PDSS2: variants seen among roughly 807,000 people sequenced by gnomAD.
PDSS2 encodes the protein decaprenyl diphosphate synthase subunit 2, also known as all trans-polyprenyl-diphosphate synthase PDSS2.
In PDSS2, 31 loss-of-function variants were observed where a neutral mutation model predicts 44.5. That is an observed-to-expected ratio of 0.70 (90% CI 0.52 to 0.94). The LOEUF (loss-of-function observed/expected upper bound fraction) is 0.94. Among genes scored for constraint, PDSS2 ranks in the 40% least tolerant of loss-of-function variants. The probability of loss-of-function intolerance (pLI) is 0.00; values close to 1 mark genes in which losing one functional copy is unlikely to be tolerated. For missense variants in PDSS2, 452 were observed against 482.2 expected (o/e 0.94, Z 0.59); for synonymous variants, 157 against 180.3 (o/e 0.87, Z 1.03).
chr6:107,237,235 T>TTTTATTTATTTA (rs141596909), intron 4 of PDSS2, among the ~76,000 whole-genome samples: 1 of 151,724 alleles, frequency 6.6e-6, no homozygotes, highest in African/African-American at 2.4e-5. Flanking sequence ...TCCTGGCCTC[T>TTTTATTTATTTA]TTTATTTATT....
At chr6:107,164,666 C>T (rs1213281856) in intron 7 of PDSS2, among the ~76,000 whole-genome samples, 1 of 152,150 alleles carries the variant, frequency 6.6e-6, no homozygotes, top group Non-Finnish European at 1.5e-5. Context: ...ATTTGTAATC[C>T]TTTGGGTATA....
chr6:107,163,486 C>T (rs1473245314), intron 7 of PDSS2, among the ~76,000 whole-genome samples: 1 of 152,144 alleles, frequency 6.6e-6, no homozygotes, highest in Non-Finnish European at 1.5e-5. Context: ...GCTAGCTAAA[C>T]ATAAACTACT....
At chr6:107,353,127 C>T (rs1392782552) in intron 1 of PDSS2, among the ~76,000 whole-genome samples, 12 of 151,878 alleles carry the variant, frequency 7.9e-5, no homozygotes, top group Admixed American at 7.9e-4. Flanking sequence ...TGTCATCTGC[C>T]CCACTGTAAA....
At chr6:107,162,517 G>A (rs1282921013) in intron 7 of PDSS2, among the ~76,000 whole-genome samples, 1 of 120,330 alleles carries the variant, frequency 8.3e-6, no homozygotes. Context: ...AAAAAAAAAA[G>A]GAGAGAGCAT....
At chr6:107,316,037 T>A (rs1024450526) in intron 2 of PDSS2, among the ~76,000 whole-genome samples, 4 of 152,194 alleles carry the variant, frequency 2.6e-5, no homozygotes, top group African/African-American at 9.6e-5. Context: ...ACAGTTTGGA[T>A]CATGTTAAAA....
chr6:107,293,968 C>T (rs1582903630), intron 2 of PDSS2, among the ~76,000 whole-genome samples: 1 of 152,076 alleles, frequency 6.6e-6, no homozygotes, highest in Non-Finnish European at 1.5e-5. Flanking sequence ...AATTGCTTCA[C>T]AAGAGGCTGA....
chr6:107,401,844 A>T (rs1056677908), intron 1 of PDSS2, among the ~76,000 whole-genome samples: 1 of 147,864 alleles, frequency 6.8e-6, no homozygotes, highest in Admixed American at 6.7e-5. Context: ...GACAACAATT[A>T]AAAAAAAAAG....
intron 1 of PDSS2, among the ~76,000 whole-genome samples, chr6:107,457,202 T>C (rs1782073117): frequency 6.6e-6 from 1 of 152,150 alleles, no homozygotes; most frequent in Admixed American, 6.5e-5. Flanking sequence ...GAAGTGAGTG[T>C]GGCTAAAAAA....
chr6:107,351,689 A>C (rs1778438746), intron 1 of PDSS2, among the ~76,000 whole-genome samples: 1 of 152,192 alleles, frequency 6.6e-6, no homozygotes, highest in Non-Finnish European at 1.5e-5. Flanking sequence ...TACTGCCTAC[A>C]TAAAAAATAG....
rs375703333 is a variant in PDSS2, at chr6:107,191,303, G to A, written c.1041+2519C>T. ...ACAAAAGAGAGGCAGTGGAGACTGAGCAGTAGGTTTTTCAGTGTTCAGATG... is the reference window on the plus strand; with the variant it reads ...ACAAAAGAGAGGCAGTGGAGACTGAACAGTAGGTTTTTCAGTGTTCAGATG... On this transcript the variant is annotated intron_variant, in intron 7 of 7. Transcript: ENST00000369037. 7.9e-5 allele frequency among the ~76,000 whole-genome samples: 12 copies of A among 152,330 alleles called. No individual in the cohort carries two copies. The South Asian group carries it at 1.9e-3, about 24-fold the overall frequency.
At chr6:107,233,040 C>G (rs1323624772) in intron 4 of PDSS2, among the ~76,000 whole-genome samples, 1 of 152,124 alleles carries the variant, frequency 6.6e-6, no homozygotes, top group Non-Finnish European at 1.5e-5. Flanking sequence ...TGGTCTCAAA[C>G]TCCTGGGCTC....
chr6:107,236,846 A>G (rs1774242651), intron 4 of PDSS2, among the ~76,000 whole-genome samples: 1 of 152,116 alleles, frequency 6.6e-6, no homozygotes, highest in African/African-American at 2.4e-5. Flanking sequence ...TCTTAATGGG[A>G]AAAAAATCAT....
chr6:107,254,130 T>C (rs569498887), intron 3 of PDSS2, among the ~76,000 whole-genome samples: 29 of 148,808 alleles, frequency 1.9e-4, no homozygotes, highest in African/African-American at 7.2e-4. Context: ...GCCTCCCGGG[T>C]TCAAGTGATT....
rs570198563 is a variant in PDSS2 at position 107,152,632 on chromosome 6, T to C, written c.*1987A>G. 22 of 152,262 alleles carry C rather than the reference T, an allele frequency of 1.4e-4. No homozygotes were observed. The East Asian group carries it at 4.0e-3, about 28-fold the overall frequency. 9.4% of individuals were successfully genotyped at this position (152,262 alleles called of 1,614,324 possible). ...CTTTCAGGTCAACTTTTGAATCTCA[T>C]TGTACAGATGAGAAAATTGAGGCTC... On this transcript the variant is annotated 3_prime_UTR_variant, in exon 8 of 8. Coordinates refer to ENST00000369037, the MANE Select transcript of PDSS2 (RefSeq NM_020381.4).
chr6:107,236,785 A>T (rs1388542967), intron 4 of PDSS2, among the ~76,000 whole-genome samples: 1 of 151,706 alleles, frequency 6.6e-6, no homozygotes, highest in Admixed American at 6.6e-5. Flanking sequence ...GCCTTTTCTG[A>T]TTTCCCCAAC....
At chr6:107,295,431 G>A (rs1251201185) in intron 2 of PDSS2, among the ~76,000 whole-genome samples, 1 of 152,140 alleles carries the variant, frequency 6.6e-6, no homozygotes, top group Admixed American at 6.5e-5. Context: ...ATATTCCCTT[G>A]TGGGTATCTG....
chr6:107,369,142 G>A (rs890492284), intron 1 of PDSS2, among the ~76,000 whole-genome samples: 5 of 152,146 alleles, frequency 3.3e-5, no homozygotes, highest in African/African-American at 4.8e-5. Context: ...AGAACAGGCC[G>A]GGCAAAGTGG....
intron 1 of PDSS2, among the ~76,000 whole-genome samples, chr6:107,419,964 G>A (rs1356857517): frequency 6.6e-6 from 1 of 152,114 alleles, no homozygotes; most frequent in African/African-American, 2.4e-5. Flanking sequence ...ACAAAGTGTT[G>A]GTATTATGTA....
chr6:107,245,089 T>C (rs1774562640), intron 4 of PDSS2, among the ~76,000 whole-genome samples: 1 of 152,166 alleles, frequency 6.6e-6, no homozygotes, highest in African/African-American at 2.4e-5. Flanking sequence ...AATCTAATAA[T>C]GCAGTAAATT....
Sources: allele counts gnomAD v4.1 joint callset (sites outside exome capture counted in the v4.1 genomes callset), GRCh38; gene constraint gnomAD v4.1.1; transcripts MANE v1.5; gene names NCBI Gene and HGNC (gene_info 2026-07-23, HGNC 2026-07-21).